Variants in KLF12 observed in about 807,000 individuals in gnomAD.
KLF12 encodes KLF transcription factor 12.
A neutral mutation model predicts 37.8 loss-of-function variants in KLF12; 9 were observed. The observed-to-expected ratio is 0.24, with a 90% CI of 0.14 to 0.42. KLF12 has a LOEUF of 0.42. KLF12 is among the 10% of genes least tolerant of loss of function. The pLI is 1.00. For missense variants in KLF12, 411 were observed against 516.0 expected, an observed-to-expected ratio of 0.80 and a Z score of 1.97; for synonymous variants, 208 against 202.1, an observed-to-expected ratio of 1.03 and a Z score of -0.25.
chr13:74,287,866 T>C, the KLF12 span, among the ~76,000 whole-genome samples: 1 of 152,212 alleles, frequency 6.6e-6, no homozygotes, highest in East Asian at 1.9e-4. Context: ...CATGGCTTTG[T>C]TTGCATTTAT....
At chr13:73,952,125 A>T (rs1307633304) in intron 2 of KLF12, among the ~76,000 whole-genome samples, 1 of 152,250 alleles carries the variant, frequency 6.6e-6, no homozygotes, top group African/African-American at 2.4e-5. Flanking sequence ...TGTTCATTGG[A>T]GAAGTAACTA....
chr13:74,275,854 C>CTT, the KLF12 span, among the ~76,000 whole-genome samples: 1 of 114,812 alleles, frequency 8.7e-6, no homozygotes, highest in African/African-American at 3.6e-5. Context: ...TTCTTTCTTT[C>CTT]TTTCTTTCTT....
At chr13:73,861,937 C>T (rs1424988019) in intron 3 of KLF12, among the ~76,000 whole-genome samples, 1 of 152,006 alleles carries the variant, frequency 6.6e-6, no homozygotes, top group Non-Finnish European at 1.5e-5. Context: ...GTGTTTATTA[C>T]CTATATATAC....
chr13:73,984,747 C>T (rs979575252), intron 2 of KLF12, among the ~76,000 whole-genome samples: 1 of 152,150 alleles, frequency 6.6e-6, no homozygotes, highest in East Asian at 1.9e-4. Flanking sequence ...CCAACTGATA[C>T]AGAATTTGGC....
At chr13:74,067,736 T>A (rs1422258519) in intron 1 of KLF12, among the ~76,000 whole-genome samples, 1 of 152,100 alleles carries the variant, frequency 6.6e-6, no homozygotes, top group Non-Finnish European at 1.5e-5. Context: ...GTGAAAGCAG[T>A]GGATAAATGA....
intron 3 of KLF12, among the ~76,000 whole-genome samples, chr13:73,918,715 T>C (rs1021983986): frequency 2.0e-5 from 3 of 152,278 alleles, no homozygotes; most frequent in South Asian, 2.1e-4. Flanking sequence ...CAACAAGGAC[T>C]TATTTCTTAC....
In KLF12 at chr13:73,823,590, G is replaced by A. The variant is rs542069282; in HGVS notation, c.671-10303C>T. ...AATTCCTTTTAGAAGCAGAGTAGAC[G>A]TTCTTGAAGATATGGTCTAAGACTA... On this transcript the variant is annotated intron_variant, in intron 4 of 7. Transcript: ENST00000377669. 3.9e-4 allele frequency among the ~76,000 whole-genome samples: 59 copies of A among 152,242 alleles called. 1 individual carries two copies. In the South Asian group the frequency reaches 0.011, roughly 29 times the overall value.
chr13:73,966,746 C>A (rs1050036739), intron 2 of KLF12, among the ~76,000 whole-genome samples: 1 of 152,156 alleles, frequency 6.6e-6, no homozygotes, highest in African/African-American at 2.4e-5. Flanking sequence ...GCAACGAAAC[C>A]CAATGACACT....
At chr13:74,224,556 A>C in the KLF12 span, among the ~76,000 whole-genome samples, 3 of 152,272 alleles carry the variant, frequency 2.0e-5, no homozygotes, top group African/African-American at 7.2e-5. Context: ...CTAGCATTTG[A>C]GCTCTTCCTC....
rs1223921454 is a variant in KLF12 at position 73,846,108 on chromosome 13, A to G, written c.389T>C (p.Ile130Thr). The G allele has an allele frequency of 1.9e-6, 3 of 1,614,112 alleles. No homozygotes were observed. Among genetic ancestry groups the G allele is most frequent in the East Asian group, 2.2e-5 (1 of 44,876 alleles). Residue 130 changes from isoleucine to threonine, a missense_variant, in exon 4 of 8, where the codon ATC becomes ACC. Physicochemically the swap from Ile to Thr is moderately conservative, Grantham distance 89. This residue lies in a region of KLF12 where 351 missense variants were observed against 397.8 expected (regional missense o/e 0.88). Transcript: ENST00000377669. ...AGATGACGCTGAAGATACTGATGTG[A>G]TAACAGTTGGGGATGAGGCTAGACG...
At chr13:73,849,015 C>A (rs1210932526) in intron 3 of KLF12, among the ~76,000 whole-genome samples, 2 of 152,082 alleles carry the variant, frequency 1.3e-5, no homozygotes, top group African/African-American at 4.8e-5. Context: ...ATCTCTTATG[C>A]AATGATTATG....
At chr13:73,971,283 G>C (rs1891329946) in intron 2 of KLF12, among the ~76,000 whole-genome samples, 1 of 152,058 alleles carries the variant, frequency 6.6e-6, no homozygotes. Flanking sequence ...ATAATGGTTT[G>C]GGCGACAATC....
At chr13:74,273,534 G>A in the KLF12 span, among the ~76,000 whole-genome samples, 1 of 151,256 alleles carries the variant, frequency 6.6e-6, no homozygotes, top group South Asian at 2.1e-4. Context: ...ATGGTTGTGT[G>A]CAATTCTGTT....
At position 73,931,609 on chromosome 13, in the gene KLF12, T is replaced by C. The variant is rs143545544; in HGVS notation, c.123+12372A>G. Among the ~76,000 whole-genome samples the C allele has an allele frequency of 1.2e-4, 18 of 152,284 alleles. No homozygotes were observed. The East Asian group carries it at 3.5e-3, about 29-fold the overall frequency. ...TTCTAACTTCATAAAACGACATCCA[T>C]TAAGGGTTTTGATGATGATGTCTAT... On this transcript the variant is annotated intron_variant, in intron 3 of 7. Coordinates refer to ENST00000377669, the MANE Select transcript of KLF12 (RefSeq NM_007249.5).
Position 73,740,341 on chromosome 13 carries a change from C to T in KLF12, c.869+24597G>A, listed in dbSNP as rs535822434. On this transcript the variant is annotated intron_variant, in intron 6 of 7. Coordinates refer to ENST00000377669, the MANE Select transcript of KLF12 (RefSeq NM_007249.5). ...AATCTTTAGGTACCCTGATCTTGGA[C>T]TTTGCAGCCTCCAGAACCACGACAA... 3.3e-5 allele frequency among the ~76,000 whole-genome samples: 5 copies of T among 152,262 alleles called. No individual in the cohort carries two copies. The East Asian group carries it at 7.7e-4, about 24-fold the overall frequency.
chr13:73,686,382 A>G lies in KLF12; in HGVS notation c.*9108T>C, dbSNP rs1445680309. The G allele has an allele frequency of 1.3e-5, 2 of 152,652 alleles. No homozygotes were observed. The highest frequency in any genetic ancestry group is 2.9e-5 in the Non-Finnish European group (2 of 68,032). 9.5% of individuals were successfully genotyped at this position (152,652 alleles called of 1,614,324 possible). ...GGCAAAAAAATCACCATTTTACAGT[A>G]AAAGGAAAAAAGCTCTGAGTATATT... On this transcript the variant is annotated 3_prime_UTR_variant, in exon 8 of 8. Transcript: ENST00000377669.
chr13:74,037,152 G>A (rs974018401), intron 1 of KLF12, among the ~76,000 whole-genome samples: 2 of 145,532 alleles, frequency 1.4e-5, no homozygotes, highest in South Asian at 2.2e-4. Flanking sequence ...GCAGTGAGCC[G>A]AGATCACGCC....
intron 1 of KLF12, among the ~76,000 whole-genome samples, chr13:74,038,647 A>C (rs1401330468): frequency 6.6e-6 from 1 of 152,180 alleles, no homozygotes; most frequent in African/African-American, 2.4e-5. Context: ...GAACATATTA[A>C]CCTAAGGTTC....
At chr13:73,980,677 C>A (rs893790180) in intron 2 of KLF12, among the ~76,000 whole-genome samples, 1 of 152,062 alleles carries the variant, frequency 6.6e-6, no homozygotes, top group African/African-American at 2.4e-5. Flanking sequence ...GGTCAAAAGA[C>A]AAAAATGATT....
Sources: gnomAD v4.1 joint callset for allele counts (sites outside exome capture counted in the v4.1 genomes callset) on GRCh38, gnomAD v4.1.1 for gene constraint, gnomAD v4.1.1 regional missense constraint, MANE v1.5 for transcripts, NCBI Gene and HGNC (gene_info 2026-07-23, HGNC 2026-07-21) for gene names.